Variants in DLGAP2 observed in about 807,000 individuals in gnomAD.
The protein encoded by DLGAP2 is disks large-associated protein 2.
Under a neutral mutation model 100.3 loss-of-function variants are expected in DLGAP2, and 26 were observed. The observed-to-expected ratio is 0.26, with a 90% CI of 0.19 to 0.36. The LOEUF (loss-of-function observed/expected upper bound fraction) is 0.36. DLGAP2 is among the 10% of genes least tolerant of loss of function. DLGAP2 has a pLI of 1.00. For missense variants in DLGAP2, 1,858 were observed against 1,453.2 expected, an observed-to-expected ratio of 1.28 and a Z score of -4.53; for synonymous variants, 886 against 630.1, an observed-to-expected ratio of 1.41 and a Z score of -6.08.
chr8:872,057 G>A (rs985052592), intron 1 of DLGAP2, among the ~76,000 whole-genome samples: 3 of 151,948 alleles, frequency 2.0e-5, no homozygotes, highest in Admixed American at 1.3e-4. Flanking sequence ...TTCTTGTTTA[G>A]GTTTATATCA....
intron 2 of DLGAP2, among the ~76,000 whole-genome samples, chr8:1,152,720 C>A (rs1442453985): frequency 6.6e-6 from 1 of 152,202 alleles, no homozygotes; most frequent in East Asian, 1.9e-4. Context: ...CTGTCTTAAA[C>A]ATGCTTGCTT....
chr8:1,021,421 G>A (rs1801619809), intron 2 of DLGAP2, among the ~76,000 whole-genome samples: 1 of 152,162 alleles, frequency 6.6e-6, no homozygotes, highest in African/African-American at 2.4e-5. Flanking sequence ...TCTCTTGTTT[G>A]ACTCGAGCAA....
chr8:1,489,377 G>A (rs1799313198), intron 3 of DLGAP2, among the ~76,000 whole-genome samples: 1 of 152,166 alleles, frequency 6.6e-6, no homozygotes. Context: ...TGTTCTGTGG[G>A]TGTCTTTCTA....
intron 4 of DLGAP2, among the ~76,000 whole-genome samples, chr8:1,524,393 T>C (rs571091970): frequency 6.6e-6 from 1 of 152,264 alleles, no homozygotes; most frequent in African/African-American, 2.4e-5. Context: ...ACATTTAGCG[T>C]TGTTTGCAGA....
At chr8:903,701 C>G (rs1405777916) in intron 1 of DLGAP2, among the ~76,000 whole-genome samples, 1 of 152,138 alleles carries the variant, frequency 6.6e-6, no homozygotes, top group Non-Finnish European at 1.5e-5. Context: ...CGCCCGCACC[C>G]CGGTGATGTT....
chr8:878,262 G>C (rs571568477), intron 1 of DLGAP2, among the ~76,000 whole-genome samples: 1 of 152,088 alleles, frequency 6.6e-6, no homozygotes, highest in Non-Finnish European at 1.5e-5. Flanking sequence ...ATTCTTTTAG[G>C]AGAATACGGG....
intron 2 of DLGAP2, among the ~76,000 whole-genome samples, chr8:1,108,770 G>A (rs1322120536): frequency 6.5e-5 from 9 of 138,982 alleles, no homozygotes; most frequent in African/African-American, 1.6e-4. Flanking sequence ...AGGTGTGCAC[G>A]TGCCTATGAA....
chr8:1,052,620 A>C (rs937411451), intron 2 of DLGAP2, among the ~76,000 whole-genome samples: 1 of 152,154 alleles, frequency 6.6e-6, no homozygotes, highest in Non-Finnish European at 1.5e-5. Context: ...CTGGGGGATC[A>C]TTAGCTTCTG....
chr8:1,391,569 TC>T (rs1043507989), intron 3 of DLGAP2, among the ~76,000 whole-genome samples: 1 of 152,164 alleles, frequency 6.6e-6, no homozygotes, highest in African/African-American at 2.4e-5. Flanking sequence ...CAGCACATGT[TC>T]CACCATGGAT....
At chr8:781,567 C>T (rs936825296) in intron 1 of DLGAP2, among the ~76,000 whole-genome samples, 1 of 152,146 alleles carries the variant, frequency 6.6e-6, no homozygotes, top group Non-Finnish European at 1.5e-5. Flanking sequence ...GCCCAAGTAC[C>T]GCATTAAACC....
At chr8:985,468 T>G (rs1800459837) in intron 2 of DLGAP2, among the ~76,000 whole-genome samples, 1 of 152,214 alleles carries the variant, frequency 6.6e-6, no homozygotes, top group Non-Finnish European at 1.5e-5. Context: ...TGCCAGCACA[T>G]CCGTAGTCTC....
In DLGAP2 at chr8:1,283,158, T is replaced by G. The variant is rs370460429; in HGVS notation, c.106+24275T>G. On this transcript the variant is annotated intron_variant, in intron 3 of 14. Coordinates refer to ENST00000637795, the MANE Select transcript of DLGAP2 (RefSeq NM_001346810.2). ...ACCTGAACCCAGCACGTGAACCATC[T>G]GGACGTGGTGTGACCTGAACCCAGC... 6.6e-3 allele frequency among the ~76,000 whole-genome samples: 819 copies of G among 123,686 alleles called. 15 individuals carry two copies. The highest frequency in any genetic ancestry group is 0.024 in the African/African-American group (756 of 32,150). 81.1% of individuals were successfully genotyped at this position (123,686 alleles called of 152,430 possible).
At chr8:1,361,528 A>G (rs1801981987) in intron 3 of DLGAP2, among the ~76,000 whole-genome samples, 1 of 152,246 alleles carries the variant, frequency 6.6e-6, no homozygotes, top group Non-Finnish European at 1.5e-5. Flanking sequence ...AATTGCATAA[A>G]CATTTCTTCA....
chr8:1,007,060 C>G (rs62488477), intron 2 of DLGAP2, among the ~76,000 whole-genome samples: 24,079 of 151,918 alleles, frequency 0.16, 2,502 homozygotes, highest in Non-Finnish European at 0.23. Flanking sequence ...TTGGGGACAC[C>G]TTGTGTCTGA....
intron 3 of DLGAP2, among the ~76,000 whole-genome samples, chr8:1,273,618 AG>A (rs1799626683): frequency 1.3e-5 from 2 of 152,174 alleles, no homozygotes; most frequent in African/African-American, 4.8e-5. Context: ...CCTTCCCAGT[AG>A]CCCCTGGCTC....
chr8:1,075,690 C>T (rs1215011610), intron 2 of DLGAP2, among the ~76,000 whole-genome samples: 1 of 152,214 alleles, frequency 6.6e-6, no homozygotes, highest in South Asian at 2.1e-4. Context: ...AGCAGGAGGG[C>T]CCGTCAGTGA....
chr8:1,412,943 C>A (rs1563131072), intron 3 of DLGAP2, among the ~76,000 whole-genome samples: 1 of 152,146 alleles, frequency 6.6e-6, no homozygotes, highest in Non-Finnish European at 1.5e-5. Flanking sequence ...TCCTTCAATA[C>A]CCAGCTCAAG....
intron 2 of DLGAP2, among the ~76,000 whole-genome samples, chr8:1,204,131 G>T (rs540944714): frequency 6.6e-6 from 1 of 152,352 alleles, no homozygotes; most frequent in African/African-American, 2.4e-5. Context: ...TGCCATACAT[G>T]GCAGCAATGC....
intron 3 of DLGAP2, among the ~76,000 whole-genome samples, chr8:1,317,607 G>A (rs1358282058): frequency 7.1e-6 from 1 of 141,496 alleles, no homozygotes; most frequent in Admixed American, 6.9e-5. Flanking sequence ...CTGTGCGAGT[G>A]CAGCGTCTCT....
Sources: gnomAD v4.1 joint callset for allele counts (sites outside exome capture counted in the v4.1 genomes callset) on GRCh38, gnomAD v4.1.1 for gene constraint, MANE v1.5 for transcripts, NCBI Gene and HGNC (gene_info 2026-07-23, HGNC 2026-07-21) for gene names.